TTC28: variants seen among roughly 807,000 people sequenced by gnomAD.
TTC28 encodes the protein tetratricopeptide repeat domain 28.
In TTC28, 61 loss-of-function variants were observed where a neutral mutation model predicts 198.0. The observed-to-expected ratio is 0.31, with a 90% CI of 0.25 to 0.38. The LOEUF (loss-of-function observed/expected upper bound fraction) is 0.38, where lower values mean the gene tolerates loss of function less well. Ranked by LOEUF, TTC28 falls within the 10% of genes least tolerant of loss-of-function variation. The pLI is 1.00. For missense variants in TTC28, 2,678 were observed against 3,164.0 expected, an observed-to-expected ratio of 0.85 and a Z score of 3.69; for synonymous variants, 1,171 against 1,297.8, an observed-to-expected ratio of 0.90 and a Z score of 2.10.
intron 2 of TTC28, among the ~76,000 whole-genome samples, chr22:28,535,963 C>A (rs911213812): frequency 6.6e-6 from 1 of 151,878 alleles, no homozygotes; most frequent in Non-Finnish European, 1.5e-5. Context: ...GTAATCCCAG[C>A]ACTTTGGGAG....
intron 2 of TTC28, among the ~76,000 whole-genome samples, chr22:28,463,239 T>C (rs1568959626): frequency 6.6e-6 from 1 of 152,230 alleles, no homozygotes; most frequent in African/African-American, 2.4e-5. Context: ...TTTGTTCTTT[T>C]GGCTTAGGAT....
At chr22:28,245,104 T>C (rs926622029) in intron 5 of TTC28, among the ~76,000 whole-genome samples, 2 of 152,230 alleles carry the variant, frequency 1.3e-5, no homozygotes, top group Admixed American at 6.5e-5. Flanking sequence ...TTCATTTTTA[T>C]ATTGTGGAGA....
intron 2 of TTC28, among the ~76,000 whole-genome samples, chr22:28,609,046 G>GA (rs2050777903): frequency 6.6e-6 from 1 of 152,106 alleles, no homozygotes; most frequent in Non-Finnish European, 1.5e-5. Flanking sequence ...TACACTGGGG[G>GA]AAAAAAAGCA....
chr22:28,176,770 C>T (rs928233387), intron 5 of TTC28, among the ~76,000 whole-genome samples: 3 of 152,160 alleles, frequency 2.0e-5, no homozygotes, highest in African/African-American at 7.2e-5. Context: ...AATAACTAAT[C>T]TTTGACAGGG....
chr22:28,534,073 A>T (rs567457550), intron 2 of TTC28, among the ~76,000 whole-genome samples: 1 of 152,364 alleles, frequency 6.6e-6, no homozygotes, highest in East Asian at 1.9e-4. Context: ...ATCTAACTAA[A>T]GTAAAGAGCT....
At chr22:28,597,331 A>C (rs899643440) in intron 2 of TTC28, among the ~76,000 whole-genome samples, 2 of 152,158 alleles carry the variant, frequency 1.3e-5, no homozygotes, top group African/African-American at 4.8e-5. Flanking sequence ...CTGAACAACT[A>C]TCCATTTCCC....
At chr22:28,393,216 C>T (rs1484557156) in intron 2 of TTC28, among the ~76,000 whole-genome samples, 1 of 152,118 alleles carries the variant, frequency 6.6e-6, no homozygotes, top group Non-Finnish European at 1.5e-5. Flanking sequence ...ATGATCAGTT[C>T]TATGTAGGCA....
intron 5 of TTC28, among the ~76,000 whole-genome samples, chr22:28,269,105 C>T (rs372644602): frequency 1.3e-5 from 2 of 152,092 alleles, no homozygotes; most frequent in Non-Finnish European, 2.9e-5. Context: ...TGGTCTTTCA[C>T]GCAAGCACTA....
At chr22:28,348,175 G>A (rs1263058057) in intron 2 of TTC28, among the ~76,000 whole-genome samples, 1 of 152,160 alleles carries the variant, frequency 6.6e-6, no homozygotes, top group East Asian at 1.9e-4. Flanking sequence ...AGAAGAAAAC[G>A]GCCATTACTC....
intron 2 of TTC28, among the ~76,000 whole-genome samples, chr22:28,552,961 AT>A (rs2049709249): frequency 6.6e-6 from 1 of 151,746 alleles, no homozygotes; most frequent in African/African-American, 2.4e-5. Context: ...TGGTTTTCGT[AT>A]TTTTTTGGTG....
At chr22:28,322,303 C>A (rs2045459670) in intron 2 of TTC28, among the ~76,000 whole-genome samples, 1 of 152,046 alleles carries the variant, frequency 6.6e-6, no homozygotes. Context: ...AATGAACTTA[C>A]TAGATAACTG....
At chr22:28,340,193 T>G (rs79670806) in intron 2 of TTC28, among the ~76,000 whole-genome samples, 2,421 of 152,222 alleles carry the variant, frequency 0.016, 84 homozygotes, top group African/African-American at 0.056. Context: ...TCAATTACTT[T>G]CCTTCTCTGG....
intron 12 of TTC28, among the ~76,000 whole-genome samples, chr22:28,076,577 C>A (rs1941177762): frequency 6.6e-6 from 1 of 152,044 alleles, no homozygotes; most frequent in African/African-American, 2.4e-5. Flanking sequence ...TTCATGCTTT[C>A]CTTCTTTCAT....
At chr22:28,547,868 G>A (rs1272719270) in intron 2 of TTC28, among the ~76,000 whole-genome samples, 3 of 148,612 alleles carry the variant, frequency 2.0e-5, no homozygotes, top group Non-Finnish European at 3.0e-5. Context: ...TTAAATACTC[G>A]CTAAAGATTA....
At chr22:28,507,407 T>C (rs1002436057) in intron 2 of TTC28, among the ~76,000 whole-genome samples, 7 of 152,160 alleles carry the variant, frequency 4.6e-5, no homozygotes, top group African/African-American at 7.2e-5. Context: ...TATGATATTA[T>C]GTAAAGAGAC....
At chr22:28,297,490 AC>A in intron 4 of TTC28, 89 bp downstream of exon 4, 1 of 1,418,540 alleles carries the variant, frequency 7.0e-7, no homozygotes, top group Middle Eastern at 2.3e-4. Flanking sequence ...CCAGGCGATC[AC>A]TTTTCATTGC....
rs535476409 is a variant in TTC28 at position 28,058,046 on chromosome 22, C to A, written c.3933-27680G>T. On this transcript the variant is annotated intron_variant, in intron 12 of 22. Coordinates refer to ENST00000397906, the MANE Select transcript of TTC28 (RefSeq NM_001145418.2). ...ACATTCTCCAACTTCACCTTTTTTTCCCCCAGATTGCTTTGGATATTCTAG... is the reference window on the plus strand; with the variant it reads ...ACATTCTCCAACTTCACCTTTTTTTACCCCAGATTGCTTTGGATATTCTAG... Among the ~76,000 whole-genome samples the A allele has an allele frequency of 2.0e-5, 3 of 152,066 alleles. No individual in the cohort carries two copies. The East Asian group carries it at 5.8e-4, about 29-fold the overall frequency.
intron 2 of TTC28, among the ~76,000 whole-genome samples, chr22:28,529,895 C>T (rs2049094177): frequency 6.6e-6 from 1 of 152,116 alleles, no homozygotes; most frequent in South Asian, 2.1e-4. Context: ...ACCAAAACCC[C>T]ATCTGCACAT....
intron 8 of TTC28, among the ~76,000 whole-genome samples, chr22:28,102,637 A>G (rs1026391648): frequency 6.6e-6 from 1 of 152,158 alleles, no homozygotes; most frequent in Non-Finnish European, 1.5e-5. Context: ...TCCTTCTTCT[A>G]ATCTAATTCA....
Sources: allele counts gnomAD v4.1 joint callset (sites outside exome capture counted in the v4.1 genomes callset), GRCh38; gene constraint gnomAD v4.1.1; transcripts MANE v1.5; gene names NCBI Gene and HGNC (gene_info 2026-07-23, HGNC 2026-07-21).